The following ASB15 variants were observed in gnomAD, a reference collection of about 807,000 sequenced individuals.
ASB15 encodes ankyrin repeat and SOCS box protein 15.
ASB15 carries 54 observed loss-of-function variants against 58.0 expected under a neutral mutation model. That is an observed-to-expected ratio of 0.93 (90% CI 0.75 to 1.17). The LOEUF is 1.17. Ranked by LOEUF, ASB15 falls within the 50% of genes most tolerant of loss-of-function variation. The pLI is 0.00. For synonymous variants in ASB15, 249 were observed against 262.4 expected (o/e 0.95, Z 0.50); for missense variants, 680 against 707.4 (o/e 0.96, Z 0.44).
At chr7:123,578,214 A>T (rs1327007802) in intron 1 of ASB15, among the ~76,000 whole-genome samples, 1 of 150,388 alleles carries the variant, frequency 6.6e-6, no homozygotes, top group Non-Finnish European at 1.5e-5. Flanking sequence ...TACTGTTTTC[A>T]CTATTCACAA....
chr7:123,584,414 T>C (rs935579683), intron 1 of ASB15, among the ~76,000 whole-genome samples: 2 of 151,796 alleles, frequency 1.3e-5, no homozygotes, highest in East Asian at 1.9e-4. Context: ...CAGTGTTTTC[T>C]AAAGCTCCCC....
At chr7:123,629,510 C>A in intron 10 of ASB15, 76 bp downstream of exon 10, 2 of 1,297,164 alleles carry the variant, frequency 1.5e-6, no homozygotes, top group Non-Finnish European at 2.1e-6. Context: ...AGGGATGTTA[C>A]AAGAAAAGAA....
In ASB15 at chr7:123,568,301, T is replaced by C. The variant is rs565867975; in HGVS notation, c.-443+1213T>C. 2.1e-3 allele frequency among the ~76,000 whole-genome samples: 316 copies of C among 151,810 alleles called. 3 individuals are homozygous for C. Among genetic ancestry groups the C allele is most frequent in the Admixed American group, 5.7e-3 (87 of 15,252 alleles). ...GCTGAGGCGGGCAGATCGCCTGAGGTTGGGAGTTTGAGACCAGCCTGACCA... is the reference window on the plus strand; with the variant it reads ...GCTGAGGCGGGCAGATCGCCTGAGGCTGGGAGTTTGAGACCAGCCTGACCA... On this transcript the variant is annotated intron_variant, in intron 1 of 13. Coordinates refer to the ASB15 transcript ENST00000451558.
In ASB15 at chr7:123,638,092, CTA is replaced by C. The variant is rs1294792729; in HGVS notation, c.*1113_*1114del. The C allele has an allele frequency of 1.3e-5, 2 of 151,960 alleles. No homozygotes were observed. Among genetic ancestry groups the C allele is most frequent in the East Asian group, 3.9e-4 (2 of 5,176 alleles). 9.4% of individuals were successfully genotyped at this position (151,960 alleles called of 1,614,324 possible). A position where few individuals can be genotyped will look rare whatever the true frequency, so the allele number is the denominator to read the frequency against. ...ACCCACCCCGCATTTGGCCCTAAGT[CTA>C]TTATCTTCTTTTTCCTGGGATAATA... On this transcript the variant is annotated 3_prime_UTR_variant, in exon 12 of 12. Transcript: ENST00000451215.
chr7:123,570,037 T>G (rs1197125676), intron 1 of ASB15, among the ~76,000 whole-genome samples: 1 of 122,476 alleles, frequency 8.2e-6, no homozygotes, highest in Non-Finnish European at 1.8e-5. Flanking sequence ...AGCTTTTTTT[T>G]TTTTTTTTTT....
chr7:123,573,978 G>A (rs904196464), intron 1 of ASB15, among the ~76,000 whole-genome samples: 2 of 151,890 alleles, frequency 1.3e-5, no homozygotes, highest in Non-Finnish European at 2.9e-5. Flanking sequence ...TCATTAGGTC[G>A]CTTTTATAAA....
intron 7 of ASB15, among the ~76,000 whole-genome samples, chr7:123,621,967 C>T (rs1014753523): frequency 2.6e-5 from 4 of 152,180 alleles, no homozygotes; most frequent in African/African-American, 9.7e-5. Flanking sequence ...CCCTCCATTC[C>T]TGATGGCCTT....
At chr7:123,567,981 A>G (rs903957566) in intron 1 of ASB15, among the ~76,000 whole-genome samples, 4 of 152,258 alleles carry the variant, frequency 2.6e-5, no homozygotes, top group Middle Eastern at 3.4e-3. Flanking sequence ...TATAGTATGA[A>G]CACTTCTAAA....
intron 3 of ASB15, chr7:123,612,378 T>C (rs1314568132): frequency 2.0e-5 from 3 of 152,142 alleles, no homozygotes; most frequent in African/African-American, 7.2e-5. Context: ...AAACCAATGG[T>C]CCAAGTGAAA....
intron 7 of ASB15, among the ~76,000 whole-genome samples, chr7:123,621,754 T>C (rs1801342970): frequency 6.6e-6 from 1 of 152,068 alleles, no homozygotes; most frequent in African/African-American, 2.4e-5. Context: ...AGTCATCGAG[T>C]TTCTTGCTGA....
chr7:123,638,493 T>C lies in ASB15; in HGVS notation c.*1512T>C, dbSNP rs2116709085. 1 of 152,322 alleles carries C rather than the reference T, an allele frequency of 6.6e-6. No homozygotes were observed. Among genetic ancestry groups the C allele is most frequent in the South Asian group, 2.1e-4 (1 of 4,826 alleles). The allele number at this position is 152,322 out of a possible 1,614,324, so 9.4% of individuals were successfully genotyped here. A position where few individuals can be genotyped will look rare whatever the true frequency, so the allele number is the denominator to read the frequency against. ...CCATCATTTCATAAAAGAGGGGTCA[T>C]TTTAATGCCAGAAAGTAAGATGGTC... On this transcript the variant is annotated 3_prime_UTR_variant, in exon 12 of 12. Coordinates refer to ENST00000451215, the MANE Select transcript of ASB15 (RefSeq NM_001290258.2).
chr7:123,607,610 C>G (rs1005266829), intron 2 of ASB15, among the ~76,000 whole-genome samples: 10 of 152,276 alleles, frequency 6.6e-5, no homozygotes, highest in Non-Finnish European at 1.0e-4. Flanking sequence ...CCTCAGCCCC[C>G]CAAGTAGCTG....
chr7:123,579,169 G>A lies in ASB15; in HGVS notation c.-443+12081G>A, dbSNP rs548048089. Among the ~76,000 whole-genome samples, 96 of 151,988 alleles carry A rather than the reference G, an allele frequency of 6.3e-4. 1 individual carries two copies. The highest frequency in any genetic ancestry group is 3.1e-3 in the South Asian group (15 of 4,822). On this transcript the variant is annotated intron_variant, in intron 1 of 13. Transcript: ENST00000451558. ...ATGCAGTACTTGATTTTATGTTTCT[G>A]TATTAATTCACTTAGGGTAATGGCC...
chr7:123,597,796 A>C (rs541824620), upstream of ASB15, among the ~76,000 whole-genome samples: 75 of 152,208 alleles, frequency 4.9e-4, no homozygotes, highest in African/African-American at 1.6e-3. Flanking sequence ...GCACCACTGC[A>C]CTCCAGCCTG....
intron 8 of ASB15, among the ~76,000 whole-genome samples, 195 bp from the exon 9 acceptor site, chr7:123,626,915 T>G (rs1010635931): frequency 2.6e-5 from 4 of 152,038 alleles, no homozygotes; most frequent in Non-Finnish European, 4.4e-5. Flanking sequence ...TTTTTGTATT[T>G]TTAGTTGAGA....
chr7:123,623,040 T>A (rs143735481), intron 7 of ASB15: 2 of 152,414 alleles, frequency 1.3e-5, no homozygotes, highest in Non-Finnish European at 2.9e-5. Flanking sequence ...TGGCCTCATA[T>A]CTTCTTCTAC....
At chr7:123,620,538 A>T (rs1204736059) in intron 7 of ASB15, among the ~76,000 whole-genome samples, 1 of 17,764 alleles carries the variant, frequency 5.6e-5, no homozygotes, top group Non-Finnish European at 1.1e-4. Context: ...ATATATATAT[A>T]TATATATATA....
At chr7:123,627,015 G>A (rs577570066) in intron 8 of ASB15, 95 bp from the exon 9 acceptor site, 40 of 1,329,480 alleles carry the variant, frequency 3.0e-5, no homozygotes, top group Middle Eastern at 2.7e-4. Context: ...TTACAGGTGT[G>A]AGCCACCATG....
intron 1 of ASB15, among the ~76,000 whole-genome samples, chr7:123,583,546 T>G (rs1320943561): frequency 6.6e-6 from 1 of 152,008 alleles, no homozygotes; most frequent in Non-Finnish European, 1.5e-5. Context: ...GACATTCTCT[T>G]TATTCTAAAG....
Sources: gnomAD v4.1 joint callset for allele counts (sites outside exome capture counted in the v4.1 genomes callset) on GRCh38, gnomAD v4.1.1 for gene constraint, MANE v1.5 for transcripts, NCBI Gene and HGNC (gene_info 2026-07-23, HGNC 2026-07-21) for gene names.